The following PCDHA1 variants were observed in gnomAD, a reference collection of about 807,000 sequenced individuals.
PCDHA1 encodes protocadherin alpha 1, also known as protocadherin alpha-1.
In PCDHA1, 42 loss-of-function variants were observed where a neutral mutation model predicts 61.3. The observed-to-expected ratio is 0.69, with a 90% CI of 0.54 to 0.89. The LOEUF is 0.89. Ranked by LOEUF, PCDHA1 falls within the 40% of genes least tolerant of loss-of-function variation. The probability of loss-of-function intolerance (pLI) is 0.00; values close to 1 mark genes in which losing one functional copy is unlikely to be tolerated. For synonymous variants in PCDHA1, 610 were observed against 553.8 expected (o/e 1.10, Z -1.43); for missense variants, 1,256 against 1,235.3 (o/e 1.02, Z -0.25).
At chr5:140,901,207 T>C (rs894216497) in intron 1 of PCDHA1, among the ~76,000 whole-genome samples, 1 of 152,206 alleles carries the variant, frequency 6.6e-6, no homozygotes, top group Non-Finnish European at 1.5e-5. Context: ...AGAAGGTTTT[T>C]AAGTTGATGT....
chr5:140,996,630 A>G (rs765477034), intron 3 of PCDHA1, among the ~76,000 whole-genome samples: 10 of 152,210 alleles, frequency 6.6e-5, no homozygotes, highest in Non-Finnish European at 1.5e-4. Flanking sequence ...TGGTTCCTGC[A>G]AATTATGTAG....
In PCDHA1 at chr5:140,856,541, G is replaced by A. The variant is rs1554148841; in HGVS notation, c.2394+67857G>A. The A allele has an allele frequency of 2.5e-6, 4 of 1,598,164 alleles. 1 individual carries two copies. The highest frequency in any genetic ancestry group is 3.4e-6 in the Non-Finnish European group (4 of 1,167,670). On this transcript the variant is annotated intron_variant, in intron 1 of 3. Transcript: ENST00000504120. ...ATCTGATGCGGATGTTGGAGAGAACGCATTGCTTACTTACAAACTCAGTCC... is the reference window on the plus strand; with the variant it reads ...ATCTGATGCGGATGTTGGAGAGAACACATTGCTTACTTACAAACTCAGTCC...
intron 1 of PCDHA1, among the ~76,000 whole-genome samples, chr5:140,972,103 CA>C (rs1388508761): frequency 2.0e-5 from 3 of 152,104 alleles, no homozygotes; most frequent in Non-Finnish European, 4.4e-5. Context: ...GGCATAGAAG[CA>C]GGTAACAAAT....
chr5:140,846,369 C>CTTTTTTTTTTTTTTT (rs797033964), intron 1 of PCDHA1, among the ~76,000 whole-genome samples: 7 of 102,190 alleles, frequency 6.8e-5, no homozygotes, highest in Non-Finnish European at 1.2e-4. Context: ...TCTTTTCTTT[C>CTTTTTTTTTTTTTTT]TTTCTTTTTT....
At chr5:140,797,972 C>T (rs548221555) in intron 1 of PCDHA1, among the ~76,000 whole-genome samples, 1 of 152,270 alleles carries the variant, frequency 6.6e-6, no homozygotes, top group Non-Finnish European at 1.5e-5. Flanking sequence ...CTTGCCTCAG[C>T]CTCCTTAGTA....
chr5:140,893,781 G>C (rs113070458), intron 1 of PCDHA1, among the ~76,000 whole-genome samples: 1 of 151,996 alleles, frequency 6.6e-6, no homozygotes, highest in Non-Finnish European at 1.5e-5. Context: ...TTCTTTTACC[G>C]TTTTTAGAAT....
At chr5:141,002,174 C>T (rs2098063920) in intron 3 of PCDHA1, among the ~76,000 whole-genome samples, 1 of 152,224 alleles carries the variant, frequency 6.6e-6, no homozygotes, top group Non-Finnish European at 1.5e-5. Context: ...AGGCAGGCTC[C>T]AGAGTGCTGT....
intron 1 of PCDHA1, among the ~76,000 whole-genome samples, chr5:140,904,216 ATTG>A (rs2070958692): frequency 6.6e-6 from 1 of 151,842 alleles, no homozygotes; most frequent in East Asian, 1.9e-4. Flanking sequence ...CCCAAAGTCC[ATTG>A]TATTATACTT....
chr5:140,803,125 C>G (rs781899440), intron 1 of PCDHA1: 3 of 1,613,678 alleles, frequency 1.9e-6, no homozygotes, highest in East Asian at 2.2e-5. Context: ...GTGGACGCCC[C>G]GCGCCATCGC....
intron 1 of PCDHA1, chr5:140,882,355 C>T: frequency 6.2e-7 from 1 of 1,614,166 alleles, no homozygotes; most frequent in African/African-American, 1.3e-5. Context: ...CGGGTAGTGG[C>T]CAGCTCCACT....
chr5:140,788,531 C>A lies in PCDHA1; in HGVS notation c.2241C>A (p.Ser747Arg), dbSNP rs782773634. 2.6e-5 allele frequency: 42 copies of A among 1,613,984 alleles called. 1 individual carries two copies. In the South Asian group the frequency reaches 4.6e-4, roughly 18 times the overall value. Residue 747 changes from serine (S) to arginine (R), a missense_variant, in exon 1 of 4, where the codon AGC (serine) becomes AGA (arginine). Coordinates refer to ENST00000504120, the MANE Select transcript of PCDHA1 (RefSeq NM_018900.4). ...TGGTGTGCTCCAGCGCGTTGGGGAG[C>A]TGGTCGAACTCACAGCAGAGGCGGC... ...PTLVCSSALG[S>R]WSNSQQRRQR...
chr5:140,870,693 A>C, intron 1 of PCDHA1: 1 of 1,612,950 alleles, frequency 6.2e-7, no homozygotes, highest in Non-Finnish European at 8.5e-7. Context: ...TGGAGCTGCT[A>C]CAGTTCCAGG....
intron 1 of PCDHA1, chr5:140,841,282 T>A: frequency 6.5e-7 from 1 of 1,545,352 alleles, no homozygotes; most frequent in Non-Finnish European, 8.7e-7. Context: ...TTCATCTTTA[T>A]ATTAAGATAA....
At chr5:140,883,211 T>C in intron 1 of PCDHA1, 1 of 1,613,738 alleles carries the variant, frequency 6.2e-7, no homozygotes, top group Non-Finnish European at 8.5e-7. Context: ...AGAAAAGAAA[T>C]TATATGAAAT....
At chr5:140,796,122 C>T (rs1554119722) in intron 1 of PCDHA1, 2 of 1,614,240 alleles carry the variant, frequency 1.2e-6, no homozygotes, top group Non-Finnish European at 1.7e-6. Flanking sequence ...GACATGTCAC[C>T]TGCTCCCTGA....
chr5:140,819,362 C>A (rs1256246509), intron 1 of PCDHA1, among the ~76,000 whole-genome samples: 2 of 152,074 alleles, frequency 1.3e-5, no homozygotes, highest in East Asian at 3.8e-4. Flanking sequence ...ATTAAATTTT[C>A]TTGTGTTAGT....
chr5:140,971,509 A>C (rs1369392741), intron 1 of PCDHA1, among the ~76,000 whole-genome samples: 4 of 152,112 alleles, frequency 2.6e-5, no homozygotes, highest in Admixed American at 2.0e-4. Flanking sequence ...ATAGGAGCAA[A>C]AGCCACTCAG....
At chr5:140,841,678 G>T (rs1451404263) in intron 1 of PCDHA1, 5 of 1,613,862 alleles carry the variant, frequency 3.1e-6, no homozygotes, top group Middle Eastern at 1.6e-4. Flanking sequence ...TTTTCCATGT[G>T]GACGTGGAGG....
chr5:140,845,503 C>A lies in PCDHA1; in HGVS notation c.2394+56819C>A, dbSNP rs1485886785. On this transcript the variant is annotated intron_variant, in intron 1 of 3. Transcript: ENST00000504120. ...TGCTTTCACAGTGAGAAAGTCTAAA[C>A]CTATTTCTTGTACATTAATACTTTT... Among the ~76,000 whole-genome samples the A allele has an allele frequency of 3.3e-5, 5 of 149,694 alleles. No homozygotes were observed. In the South Asian group the frequency reaches 8.5e-4, roughly 25 times the overall value.
Sources: allele counts gnomAD v4.1 joint callset (sites outside exome capture counted in the v4.1 genomes callset), GRCh38; gene constraint gnomAD v4.1.1; transcripts MANE v1.5; gene names NCBI Gene and HGNC (gene_info 2026-07-23, HGNC 2026-07-21).